The following COL13A1 variants were observed in gnomAD, a reference collection of about 807,000 sequenced individuals.
COL13A1 encodes collagen alpha-1(XIII) chain.
Under a neutral mutation model 130.9 loss-of-function variants are expected in COL13A1, and 89 were observed. The observed-to-expected ratio is 0.68, with a 90% CI of 0.57 to 0.81. COL13A1 has a LOEUF of 0.81. Among genes scored for constraint, COL13A1 ranks in the 30% least tolerant of loss-of-function variants. The pLI is 0.00. For synonymous variants in COL13A1, 402 were observed against 341.6 expected (o/e 1.18, Z -1.95); for missense variants, 879 against 934.6 (o/e 0.94, Z 0.78).
chr10:69,867,883 A>G (rs2058680956), intron 3 of COL13A1, 78 bp downstream of exon 3: 2 of 715,296 alleles, frequency 2.8e-6, no homozygotes, highest in Middle Eastern at 2.5e-4. Context: ...GGGTGGGGGC[A>G]CTGAAAGCTG....
At chr10:69,922,629 A>G in intron 22 of COL13A1, 79 bp from the exon 23 acceptor site, 1 of 1,016,552 alleles carries the variant, frequency 9.8e-7, no homozygotes, top group Non-Finnish European at 1.4e-6. Flanking sequence ...CCTGGGGCCC[A>G]CACCCCATAG....
At chr10:69,866,137 C>T (rs907200304) in intron 2 of COL13A1, among the ~76,000 whole-genome samples, 2 of 152,234 alleles carry the variant, frequency 1.3e-5, no homozygotes, top group Non-Finnish European at 2.9e-5. Context: ...CAGCAAACTG[C>T]TCCTCCTGCT....
chr10:69,941,136 C>T (rs1413454207), intron 35 of COL13A1, 113 bp downstream of exon 35: 1 of 1,533,974 alleles, frequency 6.5e-7, no homozygotes, highest in African/African-American at 1.4e-5. Flanking sequence ...TGCCTGGTCC[C>T]ACCTCCGACA....
chr10:69,842,285 CCTT>C (rs1851815563), intron 2 of COL13A1, among the ~76,000 whole-genome samples: 1 of 152,220 alleles, frequency 6.6e-6, no homozygotes, highest in African/African-American at 2.4e-5. Flanking sequence ...GTGCCTTTCA[CCTT>C]CTGCCAGGGT....
intron 22 of COL13A1, 24 bp downstream of exon 22, chr10:69,921,959 G>C: frequency 6.3e-7 from 1 of 1,592,558 alleles, no homozygotes; most frequent in Non-Finnish European, 8.6e-7. Flanking sequence ...TGAATGGAGG[G>C]TTCAAGTCCT....
intron 21 of COL13A1, among the ~76,000 whole-genome samples, chr10:69,920,758 C>T (rs1204566173): frequency 6.6e-6 from 1 of 152,214 alleles, no homozygotes; most frequent in East Asian, 1.9e-4. Flanking sequence ...CAAAGCCACC[C>T]AGACTTTGTT....
At chr10:69,806,174 G>T (rs1413289292) in intron 1 of COL13A1, among the ~76,000 whole-genome samples, 1 of 152,240 alleles carries the variant, frequency 6.6e-6, no homozygotes, top group African/African-American at 2.4e-5. Flanking sequence ...GGGATCTGGG[G>T]CAGGCAATCT....
At chr10:69,926,877 G>A (rs1007496702) in intron 26 of COL13A1, among the ~76,000 whole-genome samples, 2 of 152,092 alleles carry the variant, frequency 1.3e-5, no homozygotes, top group Non-Finnish European at 2.9e-5. Flanking sequence ...GAGATGCTAC[G>A]TATTCTCTCT....
chr10:69,862,796 G>A (rs1211631723), intron 2 of COL13A1, among the ~76,000 whole-genome samples: 2 of 152,152 alleles, frequency 1.3e-5, no homozygotes, highest in South Asian at 2.1e-4. Flanking sequence ...TGGGCCTCAG[G>A]TTTTTCATCT....
chr10:69,888,008 A>G (rs2060769444), intron 8 of COL13A1, among the ~76,000 whole-genome samples: 3 of 151,930 alleles, frequency 2.0e-5, no homozygotes, highest in Admixed American at 2.0e-4. Flanking sequence ...CACACCACCT[A>G]CTCTGCACTC....
At chr10:69,885,617 CTG>C (rs1326015942) in intron 7 of COL13A1, among the ~76,000 whole-genome samples, 24 of 152,326 alleles carry the variant, frequency 1.6e-4, no homozygotes, top group African/African-American at 5.3e-4. Flanking sequence ...AATTAACAAA[CTG>C]TGTGATTATC....
In COL13A1 at chr10:69,888,396, A is replaced by G. The variant is rs566705684; in HGVS notation, c.576+66A>G. ...TCCTGGATCTCTTGGTCATTCTGCAAGATATTGAATCCTTGGAAAATGCTT... is the reference window on the plus strand; with the variant it reads ...TCCTGGATCTCTTGGTCATTCTGCAGGATATTGAATCCTTGGAAAATGCTT... On this transcript the variant is annotated intron_variant, in intron 9 of 40. Transcript: ENST00000645393. 2.5e-6 allele frequency: 4 copies of G among 1,574,612 alleles called. No individual in the cohort carries two copies. The South Asian group carries it at 4.6e-5, about 18-fold the overall frequency.
At chr10:69,911,585 C>A (rs1488131055) in intron 17 of COL13A1, among the ~76,000 whole-genome samples, 1 of 152,216 alleles carries the variant, frequency 6.6e-6, no homozygotes, top group African/African-American at 2.4e-5. Context: ...TTCCAGTAGA[C>A]CTTCCCCCAT....
intron 15 of COL13A1, 113 bp from the exon 16 acceptor site, chr10:69,904,820 C>A: frequency 8.7e-7 from 1 of 1,143,482 alleles, no homozygotes; most frequent in Non-Finnish European, 1.2e-6. Context: ...TATTCTCTTG[C>A]CATAGCTATT....
At chr10:69,933,998 C>A (rs187172351) in intron 31 of COL13A1, among the ~76,000 whole-genome samples, 1 of 151,776 alleles carries the variant, frequency 6.6e-6, no homozygotes, top group African/African-American at 2.4e-5. Context: ...GAGTTGAAAA[C>A]GAAATTTTAT....
At chr10:69,828,297 C>A (rs1421601479) in intron 2 of COL13A1, among the ~76,000 whole-genome samples, 1 of 152,114 alleles carries the variant, frequency 6.6e-6, no homozygotes, top group Non-Finnish European at 1.5e-5. Context: ...TTCCTCCTGA[C>A]TTTGCAGCCC....
At chr10:69,956,823 G>T (rs1006710488) in intron 39 of COL13A1, 181 bp from the exon 40 acceptor site, 3 of 597,732 alleles carry the variant, frequency 5.0e-6, no homozygotes, top group Admixed American at 5.4e-5. Context: ...TAAAATAGCC[G>T]GATTTGTTTC....
At chr10:69,922,893 T>C in intron 23 of COL13A1, 99 bp downstream of exon 23, 1 of 747,190 alleles carries the variant, frequency 1.3e-6, no homozygotes. Flanking sequence ...TCCCGCCTTC[T>C]CTAGCCTTCC....
At chr10:69,855,515 A>AACTAATAATTAGTAATTAGCTAATT (rs1856170554) in intron 2 of COL13A1, among the ~76,000 whole-genome samples, 5 of 152,208 alleles carry the variant, frequency 3.3e-5, no homozygotes, top group Admixed American at 2.6e-4. Flanking sequence ...ATGAACTAAT[A>AACTAATAATTAGTAATTAGCTAATT]ACTAATAATT....
Sources: gnomAD v4.1 joint callset for allele counts (sites outside exome capture counted in the v4.1 genomes callset) on GRCh38, gnomAD v4.1.1 for gene constraint, MANE v1.5 for transcripts, NCBI Gene and HGNC (gene_info 2026-07-23, HGNC 2026-07-21) for gene names.